ZNF431: variants seen among roughly 807,000 people sequenced by gnomAD.
The protein encoded by ZNF431 is zinc finger protein 431.
A neutral mutation model predicts 57.0 loss-of-function variants in ZNF431; 34 were observed. The ratio of observed to expected loss-of-function variants is 0.60; its 90% CI spans 0.45 to 0.79. The LOEUF is 0.79. Ranked by LOEUF, ZNF431 falls within the 30% of genes least tolerant of loss-of-function variation. ZNF431 has a pLI of 0.00. For synonymous variants in ZNF431, 207 were observed against 220.3 expected (o/e 0.94, Z 0.54); for missense variants, 607 against 667.1 (o/e 0.91, Z 0.99).
At chr19:21,153,819 C>T (rs188587139) in intron 2 of ZNF431, among the ~76,000 whole-genome samples, 17 of 152,234 alleles carry the variant, frequency 1.1e-4, no homozygotes, top group Admixed American at 3.9e-4. Flanking sequence ...CGAGTTCAAG[C>T]GATTCTCCTG....
chr19:21,142,895 T>A (rs1435894617), intron 1 of ZNF431, among the ~76,000 whole-genome samples: 1 of 152,136 alleles, frequency 6.6e-6, no homozygotes, highest in Non-Finnish European at 1.5e-5. Flanking sequence ...GTACGTCAGT[T>A]AGATTTTTTT....
intron 4 of ZNF431, chr19:21,169,704 G>T: frequency 2.5e-6 from 1 of 397,886 alleles, no homozygotes; most frequent in South Asian, 1.3e-4. Context: ...TTCTGCAGTT[G>T]GCTCCTTATA....
In ZNF431 at chr19:21,182,683, A is replaced by G; in HGVS notation, c.380A>G (p.Gln127Arg). The G allele has an allele frequency of 6.2e-7, 1 of 1,613,154 alleles. No individual in the cohort carries two copies. Among genetic ancestry groups the G allele is most frequent in the South Asian group, 1.1e-5 (1 of 90,800 alleles). ...WPEQDIKDSF[Q>R]QVILRRYGKC... Reference sequence around the variant, plus strand: ...GAGCAAGACATAAAAGATTCTTTTCAACAAGTAATACTGAGAAGATATGGC... The same window carrying G: ...GAGCAAGACATAAAAGATTCTTTTCGACAAGTAATACTGAGAAGATATGGC... The change falls in exon 5 of 5, where the codon CAA (glutamine) becomes CGA (arginine). Residue 127 changes from glutamine to arginine, a missense_variant. Coordinates refer to ENST00000311048, the MANE Select transcript of ZNF431 (RefSeq NM_133473.4).
chr19:21,180,398 C>T (rs920674807), intron 4 of ZNF431, among the ~76,000 whole-genome samples: 1 of 152,108 alleles, frequency 6.6e-6, no homozygotes, highest in Non-Finnish European at 1.5e-5. Context: ...TCAGCATTTG[C>T]TTGTCTGAAA....
chr19:21,144,188 G>T (rs1970019280), intron 2 of ZNF431, among the ~76,000 whole-genome samples: 2 of 151,828 alleles, frequency 1.3e-5, no homozygotes, highest in African/African-American at 4.8e-5. Context: ...TATATTAGTA[G>T]GGCTTGAAAG....
chr19:21,185,549 C>T lies in ZNF431; in HGVS notation c.*1515C>T, dbSNP rs1185475593. On this transcript the variant is annotated 3_prime_UTR_variant, in exon 5 of 5. Transcript: ENST00000311048. ...GATCTCAGCTCACTACAACCTCTGCCTTCTGGTTTCAAGCAACTCTTCTGC... is the reference window on the plus strand; with the variant it reads ...GATCTCAGCTCACTACAACCTCTGCTTTCTGGTTTCAAGCAACTCTTCTGC... The T allele has an allele frequency of 1.3e-5, 2 of 152,230 alleles. No individual in the cohort carries two copies. The highest frequency in any genetic ancestry group is 2.9e-5 in the Non-Finnish European group (2 of 68,082). The allele number at this position is 152,230 out of a possible 1,614,324, so 9.4% of individuals were successfully genotyped here.
chr19:21,156,340 T>A (rs1022742439), intron 2 of ZNF431, among the ~76,000 whole-genome samples: 3 of 151,940 alleles, frequency 2.0e-5, no homozygotes, highest in African/African-American at 7.3e-5. Context: ...TGCACCTACA[T>A]TGCACTCTTC....
At chr19:21,172,507 A>T (rs947953765) in intron 4 of ZNF431, among the ~76,000 whole-genome samples, 3 of 152,080 alleles carry the variant, frequency 2.0e-5, no homozygotes, top group African/African-American at 7.2e-5. Context: ...ATTTAAGTGC[A>T]CATTTCAGGG....
intron 1 of ZNF431, 80 bp from the exon 2 acceptor site, chr19:21,143,471 G>C: frequency 1.8e-6 from 2 of 1,128,628 alleles, no homozygotes; most frequent in African/African-American, 1.5e-5. Flanking sequence ...GCTGTCTGGG[G>C]ATGAACTAAG....
At position 21,183,631 on chromosome 19, in the gene ZNF431, T is replaced by C. The variant is rs1971278480; in HGVS notation, c.1328T>C (p.Leu443Pro). 6.2e-7 allele frequency: 1 copy of C among 1,613,374 alleles called. No individual in the cohort carries two copies. Among genetic ancestry groups the C allele is most frequent in the Middle Eastern group, 1.6e-4 (1 of 6,062 alleles). Residue 443 changes from leucine to proline, a missense_variant, in exon 5 of 5, where the codon CTT becomes CCT. Transcript: ENST00000311048. ...CGKAFNRSPQ[L>P]TAHKIIHTGE... Reference sequence around the variant, plus strand: ...AAAGCTTTTAACCGGTCCCCACAACTTACTGCACATAAGATAATTCATACT... The same window carrying C: ...AAAGCTTTTAACCGGTCCCCACAACCTACTGCACATAAGATAATTCATACT...
chr19:21,175,521 T>TG, intron 4 of ZNF431: 1 of 673,818 alleles, frequency 1.5e-6, no homozygotes, highest in Non-Finnish European at 2.7e-6. Context: ...GCTGCACCTA[T>TG]TAACCTCTCA....
At chr19:21,178,820 T>TG (rs1555711076) in intron 4 of ZNF431, among the ~76,000 whole-genome samples, 2 of 80,808 alleles carry the variant, frequency 2.5e-5, no homozygotes, top group South Asian at 3.8e-4. Flanking sequence ...TGTGTGTGTG[T>TG]TGTTGTTGTT....
Position 21,195,507 on chromosome 19 carries a change from G to A in ZNF431, c.*11473G>A, listed in dbSNP as rs1268256172. 6.6e-6 allele frequency: 1 copy of A among 152,166 alleles called. No homozygotes were observed. The highest frequency in any genetic ancestry group is 1.5e-5 in the Non-Finnish European group (1 of 68,020). The allele number at this position is 152,166 out of a possible 1,614,324, so 9.4% of individuals were successfully genotyped here. On this transcript the variant is annotated 3_prime_UTR_variant, in exon 5 of 5. Coordinates refer to ENST00000311048, the MANE Select transcript of ZNF431 (RefSeq NM_133473.4). The stretch of plus-strand genomic sequence containing the variant: ...TTGGGCTTTGGCTAATTCCTCATTA[G>A]CAATAGAATTATGTATATTTTGCAA...
rs1971369312 is a variant in ZNF431 at position 21,186,099 on chromosome 19, AT to A, written c.*2066del. On this transcript the variant is annotated 3_prime_UTR_variant, in exon 5 of 5. Transcript: ENST00000311048. ...GCAGTTCGAGACCAGCATGGCCAAT[AT>A]GGAGAAATCCCGTCTCTACTAAAAA... 2.0e-5 allele frequency: 3 copies of A among 152,088 alleles called. No individual in the cohort carries two copies. The highest frequency in any genetic ancestry group is 7.2e-5 in the African/African-American group (3 of 41,398). 9.4% of individuals were successfully genotyped at this position (152,088 alleles called of 1,614,324 possible).
In ZNF431 at chr19:21,193,929, A is replaced by G. The variant is rs568724409; in HGVS notation, c.*9895A>G. 10 of 152,224 alleles carry G rather than the reference A, an allele frequency of 6.6e-5. No homozygotes were observed. Among genetic ancestry groups the G allele is most frequent in the Non-Finnish European group, 1.3e-4 (9 of 68,046 alleles). The allele number at this position is 152,224 out of a possible 1,614,324, so 9.4% of individuals were successfully genotyped here. ...CAAATCCTCAGCTAACATACTGAAC[A>G]GACAAAAGGGGCATGCATTTCTCAT... is the stretch of plus-strand genomic sequence containing the variant. On this transcript the variant is annotated 3_prime_UTR_variant, in exon 5 of 5. Transcript: ENST00000311048.
Position 21,188,417 on chromosome 19 carries a change from G to C in ZNF431, c.*4383G>C, listed in dbSNP as rs1245953481. ...ATACAGAAATTAAATTTTTAAGAGA[G>C]TTAATGGTAAGTAAACAATTTTAAA... On this transcript the variant is annotated 3_prime_UTR_variant, in exon 5 of 5. Coordinates refer to ENST00000311048, the MANE Select transcript of ZNF431 (RefSeq NM_133473.4). The C allele has an allele frequency of 6.6e-6, 1 of 152,076 alleles. No homozygotes were observed. The highest frequency in any genetic ancestry group is 1.9e-4 in the East Asian group (1 of 5,204). The allele number at this position is 152,076 out of a possible 1,614,324, so 9.4% of individuals were successfully genotyped here. A position where few individuals can be genotyped will look rare whatever the true frequency, so the allele number is the denominator to read the frequency against.
chr19:21,154,546 T>G (rs577651970), intron 2 of ZNF431, among the ~76,000 whole-genome samples: 6 of 152,314 alleles, frequency 3.9e-5, no homozygotes, highest in East Asian at 3.9e-4. Flanking sequence ...GTAATGGGAT[T>G]GCTGGGTCAA....
In ZNF431 at chr19:21,183,836, T is replaced by C. The variant is rs1971287317; in HGVS notation, c.1533T>C (p.Ser511=). 4.3e-6 allele frequency: 7 copies of C among 1,613,706 alleles called. No homozygotes were observed. The Middle Eastern group carries it at 8.3e-4, about 190-fold the overall frequency. ...KHKIIHTGEK[S]YKCEECGKAF... Reference sequence around the variant, plus strand: ...AGATAATTCATACAGGAGAGAAATCTTACAAATGTGAAGAATGTGGTAAAG... The same window carrying C: ...AGATAATTCATACAGGAGAGAAATCCTACAAATGTGAAGAATGTGGTAAAG... The change falls in exon 5 of 5, where the codon TCT becomes TCC. Residue 511 remains serine, a synonymous_variant. Transcript: ENST00000311048.
chr19:21,143,459 G>T, intron 1 of ZNF431, 92 bp from the exon 2 acceptor site: 1 of 1,013,390 alleles, frequency 9.9e-7, no homozygotes, highest in East Asian at 2.4e-5. Context: ...GTGGGTTTCA[G>T]TGCTGTCTGG....
Sources: gnomAD v4.1 joint callset for allele counts (sites outside exome capture counted in the v4.1 genomes callset) on GRCh38, gnomAD v4.1.1 for gene constraint, MANE v1.5 for transcripts, NCBI Gene and HGNC (gene_info 2026-07-23, HGNC 2026-07-21) for gene names.